Variants in IMMP2L observed in about 807,000 individuals in gnomAD.
The protein encoded by IMMP2L is inner mitochondrial membrane peptidase subunit 2.
Under a neutral mutation model 19.3 loss-of-function variants are expected in IMMP2L, and 18 were observed. The ratio of observed to expected loss-of-function variants is 0.93; its 90% CI spans 0.64 to 1.38. The LOEUF (loss-of-function observed/expected upper bound fraction) is 1.38, where lower values mean the gene tolerates loss of function less well. Ranked by LOEUF, IMMP2L falls within the 40% of genes most tolerant of loss-of-function variation. IMMP2L has a pLI of 0.00. For synonymous variants in IMMP2L, 76 were observed against 73.0 expected (o/e 1.04, Z -0.21); for missense variants, 233 against 218.2 (o/e 1.07, Z -0.43).
intron 3 of IMMP2L, among the ~76,000 whole-genome samples, chr7:110,983,799 G>A (rs1821552844): frequency 6.6e-6 from 1 of 151,794 alleles, no homozygotes; most frequent in Non-Finnish European, 1.5e-5. Flanking sequence ...TAGTATCAAG[G>A]GAAGAGAATG....
intron 3 of IMMP2L, among the ~76,000 whole-genome samples, chr7:111,107,326 C>G (rs1798661318): frequency 6.6e-6 from 1 of 151,936 alleles, no homozygotes; most frequent in South Asian, 2.1e-4. Context: ...CAACGCCAGC[C>G]CTACAGCAGG....
intron 3 of IMMP2L, among the ~76,000 whole-genome samples, chr7:111,156,002 A>G (rs1371973400): frequency 6.6e-6 from 1 of 152,122 alleles, no homozygotes; most frequent in African/African-American, 2.4e-5. Context: ...TCCAGATTAT[A>G]CCTGTGAGAT....
chr7:110,759,590 G>T (rs1798235082), intron 5 of IMMP2L, among the ~76,000 whole-genome samples: 2 of 152,072 alleles, frequency 1.3e-5, no homozygotes, highest in Admixed American at 1.3e-4. Flanking sequence ...ATGGTAAAAA[G>T]AGTCAGGGAA....
intron 3 of IMMP2L, among the ~76,000 whole-genome samples, chr7:110,980,266 C>G (rs1456621949): frequency 7.9e-6 from 1 of 127,170 alleles, no homozygotes; most frequent in Non-Finnish European, 1.6e-5. Context: ...CTCGCTCTGT[C>G]GCCCAGGCTG....
chr7:110,775,249 C>CTGTGTGTGTG (rs56387151), intron 5 of IMMP2L, among the ~76,000 whole-genome samples: 11,333 of 146,530 alleles, frequency 0.077, 629 homozygotes, highest in African/African-American at 0.15. Context: ...CTTAAGTCAG[C>CTGTGTGTGTG]TGTGTGTGTG....
chr7:111,530,316 G>C (rs991245789), intron 1 of IMMP2L, among the ~76,000 whole-genome samples: 5 of 152,124 alleles, frequency 3.3e-5, no homozygotes, highest in Admixed American at 6.5e-5. Context: ...CTATGTCTAA[G>C]GAAGAGGACT....
intron 3 of IMMP2L, among the ~76,000 whole-genome samples, chr7:111,043,785 G>T (rs138340870): frequency 2.4e-4 from 36 of 152,298 alleles, no homozygotes; most frequent in Non-Finnish European, 3.7e-4. Context: ...CAAGAAAGTA[G>T]CTTAGAAGAC....
At chr7:110,730,584 A>AGTGG (rs1318567869) in intron 5 of IMMP2L, among the ~76,000 whole-genome samples, 1 of 148,746 alleles carries the variant, frequency 6.7e-6, no homozygotes, top group Non-Finnish European at 1.5e-5. Flanking sequence ...GCTGGAGTGC[A>AGTGG]TGCCATCTCG....
chr7:111,214,328 CTTCTTTT>C (rs1811661840), intron 3 of IMMP2L, among the ~76,000 whole-genome samples: 5 of 85,110 alleles, frequency 5.9e-5, no homozygotes, highest in South Asian at 3.7e-4. Flanking sequence ...AGTAATTTTT[CTTCTTTT>C]TTTTTTTTTT....
At chr7:111,016,855 T>A (rs28864969) in intron 3 of IMMP2L, among the ~76,000 whole-genome samples, 20,314 of 83,628 alleles carry the variant, frequency 0.24, 3,100 homozygotes, top group East Asian at 0.58. Flanking sequence ...ATAATATATA[T>A]TATATAATAT....
At chr7:111,341,689 T>C (rs1397495777) in intron 3 of IMMP2L, among the ~76,000 whole-genome samples, 1 of 152,134 alleles carries the variant, frequency 6.6e-6, no homozygotes, top group East Asian at 1.9e-4. Flanking sequence ...AAAAGGCAGA[T>C]TTTTCAAAGG....
intron 3 of IMMP2L, among the ~76,000 whole-genome samples, chr7:111,291,312 T>C (rs1366920305): frequency 6.6e-6 from 1 of 152,174 alleles, no homozygotes; most frequent in Non-Finnish European, 1.5e-5. Flanking sequence ...GTCTTCTTTT[T>C]CAAAGGGCAG....
intron 3 of IMMP2L, among the ~76,000 whole-genome samples, chr7:111,012,965 C>G (rs2129563980): frequency 6.6e-6 from 1 of 152,186 alleles, no homozygotes; most frequent in Admixed American, 6.5e-5. Context: ...TTCATTCATT[C>G]AGCACAATTG....
rs1195427078 is a variant in IMMP2L at position 111,519,347 on chromosome 7, A to AT, written c.135+1965_135+1966insA. Among the ~76,000 whole-genome samples the AT allele has an allele frequency of 6.6e-4, 101 of 152,246 alleles. 2 individuals carry two copies. The highest frequency in any genetic ancestry group is 1.1e-3 in the Non-Finnish European group (75 of 67,996). ...ACTCGTGCCTTCCTTGTGTGTATAT[A>AT]ATAAGCCTTCCAATAAATCCCCTTT... is the stretch of plus-strand genomic sequence containing the variant. On this transcript the variant is annotated intron_variant, in intron 2 of 5. Transcript: ENST00000405709.
rs1307649021 is a variant in IMMP2L at position 111,243,705 on chromosome 7, C to G, written c.239+243533G>C. Among the ~76,000 whole-genome samples the G allele has an allele frequency of 8.1e-5, 8 of 98,842 alleles. No individual in the cohort carries two copies. The Admixed American group carries it at 8.9e-4, about 11-fold the overall frequency. The allele number at this position is 98,842 out of a possible 152,430, so 64.8% of individuals were successfully genotyped here. On this transcript the variant is annotated intron_variant, in intron 3 of 5. Transcript: ENST00000405709. The stretch of plus-strand genomic sequence containing the variant: ...CCACAGTCCCCAGAGTGTGATATTC[C>G]CCTTCCTGTGTCCATGTGATCTCAT...
At chr7:110,731,957 A>T (rs1796301978) in intron 5 of IMMP2L, among the ~76,000 whole-genome samples, 1 of 152,228 alleles carries the variant, frequency 6.6e-6, no homozygotes, top group Non-Finnish European at 1.5e-5. Context: ...CTCACCAGCA[A>T]TTAGAAAACA....
At chr7:111,382,176 G>A (rs1831262371) in intron 3 of IMMP2L, among the ~76,000 whole-genome samples, 1 of 152,026 alleles carries the variant, frequency 6.6e-6, no homozygotes, top group East Asian at 1.9e-4. Flanking sequence ...AAAGGAGAGA[G>A]AGGACAGACA....
At chr7:110,881,642 T>C (rs1448719835) in intron 5 of IMMP2L, among the ~76,000 whole-genome samples, 4 of 152,214 alleles carry the variant, frequency 2.6e-5, no homozygotes, top group African/African-American at 9.6e-5. Context: ...TTGAAATGGC[T>C]GATTTTAAAT....
chr7:111,427,972 T>G (rs10238546), intron 3 of IMMP2L, among the ~76,000 whole-genome samples: 2,352 of 151,902 alleles, frequency 0.015, 133 homozygotes, highest in African/African-American at 0.054. Flanking sequence ...CATTTTAAAA[T>G]CTGAGTGCTA....
Sources: allele counts gnomAD v4.1 joint callset (sites outside exome capture counted in the v4.1 genomes callset), GRCh38; gene constraint gnomAD v4.1.1; transcripts MANE v1.5; gene names NCBI Gene and HGNC (gene_info 2026-07-23, HGNC 2026-07-21).